Variants in ANKRD16 observed in about 807,000 individuals in gnomAD.
ANKRD16 encodes ankyrin repeat domain 16, also known as ankyrin repeat domain-containing protein 16.
A neutral mutation model predicts 37.9 loss-of-function variants in ANKRD16; 35 were observed. The ratio of observed to expected loss-of-function variants is 0.92; its 90% CI spans 0.71 to 1.23. The LOEUF is 1.23. Ranked by LOEUF, ANKRD16 falls within the 50% of genes most tolerant of loss-of-function variation. ANKRD16 has a pLI of 0.00. For missense variants in ANKRD16, 480 were observed against 469.9 expected, an observed-to-expected ratio of 1.02 and a Z score of -0.20; for synonymous variants, 206 against 197.2, an observed-to-expected ratio of 1.04 and a Z score of -0.37.
intron 2 of ANKRD16, among the ~76,000 whole-genome samples, chr10:5,886,263 G>A (rs922888834): frequency 6.6e-6 from 1 of 150,446 alleles, no homozygotes; most frequent in Admixed American, 6.6e-5. Context: ...CTAAAAAAAA[G>A]TTTTCTACTT....
At chr10:5,875,721 T>C (rs2131764179) in intron 7 of ANKRD16, among the ~76,000 whole-genome samples, 1 of 151,452 alleles carries the variant, frequency 6.6e-6, no homozygotes, top group African/African-American at 2.4e-5. Context: ...TTCTTTTTTT[T>C]TTTTTTTTTG....
At position 5,868,243 on chromosome 10, in the gene ANKRD16, A is replaced by G. The variant is rs76256221; in HGVS notation, c.*34-5552T>C. Among the ~76,000 whole-genome samples, 151 of 152,208 alleles carry G rather than the reference A, an allele frequency of 9.9e-4. No individual in the cohort carries two copies. The highest frequency in any genetic ancestry group is 3.5e-3 in the African/African-American group (145 of 41,540). On this transcript the variant is annotated intron_variant, in intron 7 of 7. Coordinates refer to ENST00000380094, the MANE Select transcript of ANKRD16 (RefSeq NM_019046.3). The surrounding 1 kb of genome is among the most constrained non-coding windows in gnomAD (Gnocchi z 4.9). The stretch of plus-strand genomic sequence containing the variant: ...TGAGCTCAACTAACTTCTACTGAGG[A>G]CCCCTGGACCAAACTGCTGGCCCTT...
At chr10:5,872,913 T>G (rs1261963753) in intron 7 of ANKRD16, among the ~76,000 whole-genome samples, 1 of 151,690 alleles carries the variant, frequency 6.6e-6, no homozygotes, top group Non-Finnish European at 1.5e-5. Flanking sequence ...CAGGCTGGAG[T>G]GCAGTGGTGT....
In ANKRD16 at chr10:5,870,293, G is replaced by T. The variant is rs1018155304; in HGVS notation, c.*34-7602C>A. Among the ~76,000 whole-genome samples the T allele has an allele frequency of 1.3e-5, 2 of 151,968 alleles. No individual in the cohort carries two copies. The highest frequency in any genetic ancestry group is 2.4e-5 in the African/African-American group (1 of 41,380). On this transcript the variant is annotated intron_variant, in intron 7 of 7. Coordinates refer to ENST00000380094, the MANE Select transcript of ANKRD16 (RefSeq NM_019046.3). The surrounding 1 kb of genome is among the most constrained non-coding windows in gnomAD (Gnocchi z 5.0). ...CCAGTGCACCTGCGCAGTGAGGTCA[G>T]CTTCGCAGGGGCCCCCAGTGCACCC... is the stretch of plus-strand genomic sequence containing the variant.
chr10:5,881,434 TTATTTATATATATATATA>T, intron 5 of ANKRD16, among the ~76,000 whole-genome samples: 1 of 53,474 alleles, frequency 1.9e-5, no homozygotes, highest in Non-Finnish European at 3.4e-5. Flanking sequence ...AATAAAAATA[TTATTTATATATATATATA>T]TATATATATA....
chr10:5,866,111 G>A lies in ANKRD16; in HGVS notation c.*34-3420C>T, dbSNP rs1842010050. Among the ~76,000 whole-genome samples, 2 of 152,126 alleles carry A rather than the reference G, an allele frequency of 1.3e-5. No homozygotes were observed. The highest frequency in any genetic ancestry group is 4.8e-5 in the African/African-American group (2 of 41,412). ...ACTCATGATGTAAATGGCATAATAG[G>A]TGCCAAAGGAAGTTATGGCTATCAG... On this transcript the variant is annotated intron_variant, in intron 7 of 7. Coordinates refer to ENST00000380094, the MANE Select transcript of ANKRD16 (RefSeq NM_019046.3). This position sits in a 1 kb window ranked among gnomAD's most constrained non-coding sequence, Gnocchi z 4.3.
At chr10:5,879,404 G>A (rs1017157776) in intron 6 of ANKRD16, among the ~76,000 whole-genome samples, 3 of 151,730 alleles carry the variant, frequency 2.0e-5, no homozygotes, top group African/African-American at 7.3e-5. Context: ...GGAGGTGGAG[G>A]TTGCAGTGAG....
At chr10:5,888,174 A>AATCCTCT in intron 1 of ANKRD16, 107 bp from the exon 2 acceptor site, 1 of 1,056,688 alleles carries the variant, frequency 9.5e-7, no homozygotes, top group Non-Finnish European at 1.4e-6. Context: ...GAAAACCTAG[A>AATCCTCT]GGATTCAGGG....
chr10:5,872,596 G>T (rs577251948), intron 7 of ANKRD16, among the ~76,000 whole-genome samples: 18 of 151,418 alleles, frequency 1.2e-4, no homozygotes, highest in Non-Finnish European at 2.5e-4. Context: ...TCACTCTGTT[G>T]CCCAGGCTGG....
intron 6 of ANKRD16, 49 bp downstream of exon 6, chr10:5,880,249 T>G: frequency 1.1e-6 from 1 of 939,340 alleles, no homozygotes; most frequent in Non-Finnish European, 1.6e-6. Flanking sequence ...AGTGTATTGG[T>G]TATACTCAGT....
rs776701375 is a variant in ANKRD16 at position 5,889,315 on chromosome 10, C to T, written c.40G>A (p.Val14Met). The T allele has an allele frequency of 1.0e-5, 14 of 1,341,580 alleles. No homozygotes were observed. In the Admixed American group the frequency reaches 4.5e-4, roughly 44 times the overall value. The allele number at this position is 1,341,580 out of a possible 1,614,324, so 83.1% of individuals were successfully genotyped here. A position where few individuals can be genotyped will look rare whatever the true frequency, so the allele number is the denominator to read the frequency against. ...AGGGCGCGCAGCCGGCCCTCCTGCA[C>T]CAGCCTGCAGAGGCGCCGCGGGTCC... ...PGDPRRLCRL[V>M]QEGRLRALKE... is the part of the protein sequence containing the mutation. The change falls in exon 1 of 8, where the codon GTG (valine) becomes ATG (methionine). Residue 14 changes from valine to methionine, a missense_variant. Transcript: ENST00000380094.
rs571471994 is a variant in ANKRD16, at chr10:5,871,161, C to T, written c.*33+6936G>A. On this transcript the variant is annotated intron_variant, in intron 7 of 7. Transcript: ENST00000380094. The surrounding 1 kb of genome is among the most constrained non-coding windows in gnomAD (Gnocchi z 4.5). ...CAGCACTTTGGGAGGCCAAGGTGGG[C>T]GGATCACCTGAGGTTGGGAGTTCGA... Among the ~76,000 whole-genome samples, 5 of 151,946 alleles carry T rather than the reference C, an allele frequency of 3.3e-5. No homozygotes were observed. The highest frequency in any genetic ancestry group is 1.9e-4 in the East Asian group (1 of 5,174).
Position 5,874,668 on chromosome 10 carries a change from A to G in ANKRD16, c.*33+3429T>C, listed in dbSNP as rs900837749. On this transcript the variant is annotated intron_variant, in intron 7 of 7. Coordinates refer to ENST00000380094, the MANE Select transcript of ANKRD16 (RefSeq NM_019046.3). The surrounding 1 kb of genome is among the most constrained non-coding windows in gnomAD (Gnocchi z 4.7). The stretch of plus-strand genomic sequence containing the variant: ...CCTGTATGTCAGTGGGTTGTGGGGA[A>G]GGCTGGGTTTTGAATAAACTGAATG... Among the ~76,000 whole-genome samples the G allele has an allele frequency of 6.6e-6, 1 of 152,186 alleles. No homozygotes were observed. Among genetic ancestry groups the G allele is most frequent in the Non-Finnish European group, 1.5e-5 (1 of 68,034 alleles).
rs1452290117 is a variant in ANKRD16, at chr10:5,866,584, G to A, written c.*34-3893C>T. Among the ~76,000 whole-genome samples the A allele has an allele frequency of 6.6e-6, 1 of 152,206 alleles. No homozygotes were observed. ...ATGCTGCAATATGGAAAGAAAGGGG[G>A]TTCCTAACCTCTGGGGAACCACATT... On this transcript the variant is annotated intron_variant, in intron 7 of 7. Transcript: ENST00000380094. This position sits in a 1 kb window ranked among gnomAD's most constrained non-coding sequence, Gnocchi z 4.3.
chr10:5,867,655 T>A (rs1193635946), intron 7 of ANKRD16, among the ~76,000 whole-genome samples: 1 of 152,166 alleles, frequency 6.6e-6, no homozygotes, highest in Admixed American at 6.5e-5. Context: ...TCAGCGCCCC[T>A]CAAAGCTCAA....
At chr10:5,867,262 G>T (rs1299615636) in intron 7 of ANKRD16, among the ~76,000 whole-genome samples, 3 of 152,196 alleles carry the variant, frequency 2.0e-5, no homozygotes, top group African/African-American at 7.2e-5. Context: ...CCATACAAAG[G>T]TCCAACCAGA....
rs971734274 is a variant in ANKRD16, at chr10:5,878,762, G to C, written c.929-475C>G. Among the ~76,000 whole-genome samples the C allele has an allele frequency of 6.0e-5, 9 of 150,414 alleles. No individual in the cohort carries two copies. Among genetic ancestry groups the C allele is most frequent in the Non-Finnish European group, 1.0e-4 (7 of 67,750 alleles). ...GCAGTGAGCACTGCACGCCAGCCTG[G>C]GTGACAGAGCAAGACTCTGCCTCAA... is the stretch of plus-strand genomic sequence containing the variant. On this transcript the variant is annotated intron_variant, in intron 6 of 7. Coordinates refer to ENST00000380094, the MANE Select transcript of ANKRD16 (RefSeq NM_019046.3). The surrounding 1 kb of genome is among the most constrained non-coding windows in gnomAD (Gnocchi z 5.1).
Position 5,889,378 on chromosome 10 carries a change from G to GC in ANKRD16, c.-25dup. 8.4e-7 allele frequency: 1 copy of GC among 1,193,088 alleles called. No individual in the cohort carries two copies. The highest frequency in any genetic ancestry group is 1.0e-6 in the Non-Finnish European group (1 of 964,532). 73.9% of individuals were successfully genotyped at this position (1,193,088 alleles called of 1,614,324 possible). On this transcript the variant is annotated 5_prime_UTR_variant, in exon 1 of 8. Coordinates refer to ENST00000380094, the MANE Select transcript of ANKRD16 (RefSeq NM_019046.3). ...ATCGCCGCGGGTCGGGCCGGGCTGC[G>GC]CGGGGAGGCGGCGGGCGGGACACCG...
chr10:5,862,747 A>G lies in ANKRD16; in HGVS notation c.*34-56T>C. ...TTACAGATGAAACAGAAGCTCAGAG[A>G]GGGCAAGCAGCTAGCACAAGGTCCC... is the stretch of plus-strand genomic sequence containing the variant. On this transcript the variant is annotated intron_variant, in intron 7 of 7. Transcript: ENST00000380094. This position sits in a 1 kb window ranked among gnomAD's most constrained non-coding sequence, Gnocchi z 6.5. The G allele has an allele frequency of 8.2e-7, 1 of 1,216,986 alleles. No homozygotes were observed. Among genetic ancestry groups the G allele is most frequent in the Non-Finnish European group, 1.1e-6 (1 of 922,940 alleles). 75.4% of individuals were successfully genotyped at this position (1,216,986 alleles called of 1,614,324 possible).
Sources: allele counts gnomAD v4.1 joint callset (sites outside exome capture counted in the v4.1 genomes callset), GRCh38; gene constraint gnomAD v4.1.1; non-coding constraint Gnocchi (gnomAD v3.1); transcripts MANE v1.5; gene names NCBI Gene and HGNC (gene_info 2026-07-23, HGNC 2026-07-21).